SCFD2: variants seen among roughly 807,000 people sequenced by gnomAD.
SCFD2 encodes sec1 family domain-containing protein 2.
In SCFD2, 54 loss-of-function variants were observed where a neutral mutation model predicts 58.9. The ratio of observed to expected loss-of-function variants is 0.92; its 90% CI spans 0.74 to 1.15. The LOEUF is 1.15. Among genes scored for constraint, SCFD2 ranks in the 50% most tolerant of loss-of-function variants. The probability of loss-of-function intolerance (pLI) is 0.00; values close to 1 mark genes in which losing one functional copy is unlikely to be tolerated. For missense variants in SCFD2, 805 were observed against 836.6 expected (o/e 0.96, Z 0.47); for synonymous variants, 321 against 335.9 (o/e 0.96, Z 0.49).
chr4:53,069,672 A>C (rs1252567286), intron 5 of SCFD2, among the ~76,000 whole-genome samples: 1 of 152,054 alleles, frequency 6.6e-6, no homozygotes, highest in Non-Finnish European at 1.5e-5. Context: ...TCCCCCAGTA[A>C]TAAAAGTAAT....
intron 4 of SCFD2, among the ~76,000 whole-genome samples, chr4:53,166,540 C>G (rs1577795256): frequency 6.6e-6 from 1 of 151,860 alleles, no homozygotes; most frequent in Admixed American, 6.6e-5. Flanking sequence ...AAAAAAGAGA[C>G]AAATTTTGAA....
intron 5 of SCFD2, among the ~76,000 whole-genome samples, chr4:52,992,936 G>A (rs1392793158): frequency 3.3e-5 from 5 of 152,124 alleles, no homozygotes; most frequent in South Asian, 2.1e-4. Flanking sequence ...TGACGATGGC[G>A]GTTTTGTCGA....
rs1446417137 is a variant in SCFD2, at chr4:53,145,562, C to T, written c.1332G>A (p.Met444Ile). ...LLLQSIGESA[M>I]SVVLNQLLPM... The stretch of plus-strand genomic sequence containing the variant: ...GCAGCAGCTGATTTAACACAACGGA[C>T]ATTGCTGACTCCCCAATGCTCTAAA... Residue 444 changes from methionine to isoleucine, a missense_variant, in exon 5 of 9, where the codon ATG becomes ATA. By Grantham distance (10) the Met-to-Ile change is conservative. Around this residue, in one of 3 missense-constraint regions of SCFD2, gnomAD observed 633 missense variants for 646.8 expected, o/e 0.98. Coordinates refer to ENST00000401642, the MANE Select transcript of SCFD2 (RefSeq NM_152540.4). 3 of 1,613,824 alleles carry T rather than the reference C, an allele frequency of 1.9e-6. No individual in the cohort carries two copies. Among genetic ancestry groups the T allele is most frequent in the East Asian group, 2.2e-5 (1 of 44,892 alleles).
At chr4:53,050,059 G>A (rs1476057810) in intron 5 of SCFD2, among the ~76,000 whole-genome samples, 17 of 152,134 alleles carry the variant, frequency 1.1e-4, no homozygotes, top group African/African-American at 2.4e-4. Context: ...ACATGAGTCC[G>A]CAAACACTCG....
intron 4 of SCFD2, among the ~76,000 whole-genome samples, chr4:53,215,624 G>C (rs1279233202): frequency 6.6e-6 from 1 of 152,080 alleles, no homozygotes; most frequent in Non-Finnish European, 1.5e-5. Flanking sequence ...TTTCCTAACT[G>C]AATGCCCTTT....
At chr4:53,315,888 C>T (rs540389659) in intron 2 of SCFD2, among the ~76,000 whole-genome samples, 1 of 152,300 alleles carries the variant, frequency 6.6e-6, no homozygotes, top group East Asian at 1.9e-4. Flanking sequence ...GTTGCCCCAT[C>T]AGATTGGTGT....
chr4:52,903,119 C>T (rs1356710924), intron 7 of SCFD2, among the ~76,000 whole-genome samples: 1 of 152,146 alleles, frequency 6.6e-6, no homozygotes, highest in Non-Finnish European at 1.5e-5. Context: ...CAAAATACAC[C>T]CCTTTATTTC....
intron 5 of SCFD2, among the ~76,000 whole-genome samples, chr4:53,054,460 C>T (rs924616509): frequency 1.5e-4 from 23 of 151,998 alleles, no homozygotes; most frequent in African/African-American, 5.1e-4. Context: ...ACAGAAGGTA[C>T]CTGATAAATA....
chr4:52,962,513 T>C (rs1720873914), intron 5 of SCFD2, among the ~76,000 whole-genome samples: 1 of 152,214 alleles, frequency 6.6e-6, no homozygotes, highest in Non-Finnish European at 1.5e-5. Context: ...CTCCTGAAGG[T>C]AGCACATTTA....
intron 7 of SCFD2, among the ~76,000 whole-genome samples, chr4:52,895,163 G>C (rs954300353): frequency 6.6e-6 from 1 of 151,958 alleles, no homozygotes; most frequent in East Asian, 1.9e-4. Context: ...TGCTCCTCAT[G>C]CTCTTGATCC....
At chr4:52,983,974 C>G (rs1721433667) in intron 5 of SCFD2, among the ~76,000 whole-genome samples, 1 of 152,184 alleles carries the variant, frequency 6.6e-6, no homozygotes. Flanking sequence ...AAGAGAAAGC[C>G]TCACCCCAAA....
intron 5 of SCFD2, among the ~76,000 whole-genome samples, chr4:53,052,877 C>A (rs998086766): frequency 6.6e-6 from 1 of 152,078 alleles, no homozygotes; most frequent in African/African-American, 2.4e-5. Context: ...ATGAAAGAAG[C>A]CAGACACAAA....
At chr4:53,315,876 T>C (rs1340526796) in intron 2 of SCFD2, among the ~76,000 whole-genome samples, 4 of 152,210 alleles carry the variant, frequency 2.6e-5, no homozygotes, top group Non-Finnish European at 5.9e-5. Flanking sequence ...GGTAACGTTG[T>C]GGTTGCCCCA....
chr4:52,892,359 T>C (rs1163141009), intron 7 of SCFD2, among the ~76,000 whole-genome samples: 1 of 152,184 alleles, frequency 6.6e-6, no homozygotes, highest in African/African-American at 2.4e-5. Context: ...TGTTTCTGTC[T>C]TGTGCACTGC....
intron 4 of SCFD2, among the ~76,000 whole-genome samples, chr4:53,254,153 T>C (rs767233036): frequency 6.6e-6 from 1 of 152,124 alleles, no homozygotes; most frequent in Non-Finnish European, 1.5e-5. Flanking sequence ...CCAGGCTGAA[T>C]GAATGATATG....
chr4:53,287,618 T>A (rs1033303705), intron 3 of SCFD2, among the ~76,000 whole-genome samples: 4 of 152,112 alleles, frequency 2.6e-5, no homozygotes, highest in African/African-American at 4.8e-5. Context: ...CTCTATAAAT[T>A]GGGAAGAGAC....
chr4:53,019,202 A>C (rs923763394), intron 5 of SCFD2, among the ~76,000 whole-genome samples: 1 of 152,232 alleles, frequency 6.6e-6, no homozygotes, highest in Non-Finnish European at 1.5e-5. Context: ...CAAAAGCTGG[A>C]AACAGCTGAA....
Position 53,365,513 on chromosome 4 carries a change from C to T in SCFD2, c.429G>A (p.Trp143Ter). Reference protein sequence around the residue: ...FEQLEEKLCEWMGNMNYTAEV... With the variant: ...FEQLEEKLCE The stretch of plus-strand genomic sequence containing the variant: ...CGGCCGTGTAGTTCATGTTGCCCAT[C>T]CATTCACACAGCTTCTCCTCCAGCT... Residue 143 changes from tryptophan (W) to a stop codon, truncating the protein, a stop_gained, in exon 1 of 9, where the codon TGG (tryptophan) becomes TGA (stop). Coordinates refer to ENST00000401642, the MANE Select transcript of SCFD2 (RefSeq NM_152540.4). LOFTEE classifies it high-confidence loss of function. This position sits in a 1 kb window ranked among gnomAD's most constrained non-coding sequence, Gnocchi z 4.3. The T allele has an allele frequency of 6.2e-7, 1 of 1,614,214 alleles. No homozygotes were observed. The highest frequency in any genetic ancestry group is 8.5e-7 in the Non-Finnish European group (1 of 1,180,048).
intron 2 of SCFD2, among the ~76,000 whole-genome samples, chr4:53,333,586 T>C (rs1414936788): frequency 6.6e-6 from 1 of 151,396 alleles, no homozygotes; most frequent in Non-Finnish European, 1.5e-5. Context: ...TTATACCTTA[T>C]ACAAAAATTA....
Sources: allele counts gnomAD v4.1 joint callset (sites outside exome capture counted in the v4.1 genomes callset), GRCh38; gene constraint gnomAD v4.1.1; regional missense constraint gnomAD v4.1.1; non-coding constraint Gnocchi (gnomAD v3.1); transcripts MANE v1.5; gene names NCBI Gene and HGNC (gene_info 2026-07-23, HGNC 2026-07-21).